Variants in CC2D2B observed in about 807,000 individuals in gnomAD.
CC2D2B encodes the protein protein CC2D2B.
Under a neutral mutation model 161.2 loss-of-function variants are expected in CC2D2B, and 128 were observed. The ratio of observed to expected loss-of-function variants is 0.79; its 90% CI spans 0.69 to 0.92. CC2D2B has a LOEUF of 0.92. CC2D2B is among the 40% of genes least tolerant of loss of function. The pLI is 0.00. For synonymous variants in CC2D2B, 391 were observed against 449.8 expected, an observed-to-expected ratio of 0.87 and a Z score of 1.65; for missense variants, 1,173 against 1,375.1, an observed-to-expected ratio of 0.85 and a Z score of 2.32.
At chr10:95,927,009 G>A (rs2098540617) in intron 5 of CC2D2B, among the ~76,000 whole-genome samples, 2 of 152,082 alleles carry the variant, frequency 1.3e-5, no homozygotes, top group South Asian at 4.1e-4. Context: ...GATTCTGGCT[G>A]TATATTCTGG....
chr10:95,997,123 T>A (rs1282585714), intron 24 of CC2D2B, among the ~76,000 whole-genome samples: 1 of 152,226 alleles, frequency 6.6e-6, no homozygotes, highest in Non-Finnish European at 1.5e-5. Context: ...AATTACCTAG[T>A]CTCAGATACT....
intron 19 of CC2D2B, among the ~76,000 whole-genome samples, chr10:95,986,465 C>A (rs2077731844): frequency 6.6e-6 from 1 of 150,780 alleles, no homozygotes. Flanking sequence ...ATTCAGACAT[C>A]AGAAAAGAAA....
chr10:95,944,032 TTTTTG>T (rs2076111873), intron 9 of CC2D2B, among the ~76,000 whole-genome samples: 1 of 152,002 alleles, frequency 6.6e-6, no homozygotes. Context: ...CAGGGCAGGG[TTTTTG>T]TTTTGTTTTA....
At chr10:95,927,176 T>C in intron 5 of CC2D2B, 61 bp from the exon 6 acceptor site, 1 of 922,438 alleles carries the variant, frequency 1.1e-6, no homozygotes, top group Non-Finnish European at 1.7e-6. Flanking sequence ...CAGAAAACTA[T>C]TTCCTTTACT....
chr10:95,984,655 TAGTTTGAGTCCAGG>T (rs2077650752), intron 19 of CC2D2B: 1 of 152,126 alleles, frequency 6.6e-6, no homozygotes, highest in Non-Finnish European at 1.5e-5. Flanking sequence ...GGCAGAAGGA[TAGTTTGAGTCCAGG>T]AGTTTGAGAC....
At chr10:96,026,664 C>T (rs958952963) in intron 33 of CC2D2B, among the ~76,000 whole-genome samples, 2 of 152,048 alleles carry the variant, frequency 1.3e-5, no homozygotes, top group Non-Finnish European at 2.9e-5. Flanking sequence ...AAGAGATGTG[C>T]CTTGGAGAGT....
chr10:95,938,496 T>C, intron 7 of CC2D2B, 73 bp from the exon 8 acceptor site: 1 of 625,986 alleles, frequency 1.6e-6, no homozygotes, highest in Non-Finnish European at 2.9e-6. Context: ...TAGTTGTTTG[T>C]ACTACTTATT....
In CC2D2B at chr10:96,024,389, G is replaced by A. The variant is rs569904942; in HGVS notation, c.3889-464G>A. On this transcript the variant is annotated intron_variant, in intron 32 of 34. Coordinates refer to ENST00000646931, the MANE Select transcript of CC2D2B (RefSeq NM_001349008.3). ...AGAATAATAATATCTGATGTTTGTTGAGCATTCCATATGTGCCAGGCTTTA... is the reference window on the plus strand; with the variant it reads ...AGAATAATAATATCTGATGTTTGTTAAGCATTCCATATGTGCCAGGCTTTA... Among the ~76,000 whole-genome samples, 5 of 152,310 alleles carry A rather than the reference G, an allele frequency of 3.3e-5. No homozygotes were observed. The East Asian group carries it at 9.6e-4, about 29-fold the overall frequency.
Position 96,031,890 on chromosome 10 carries a change from G to A in CC2D2B, c.4196G>A (p.Gly1399Glu). The A allele has an allele frequency of 6.2e-7, 1 of 1,613,282 alleles. No individual in the cohort carries two copies. Among genetic ancestry groups the A allele is most frequent in the South Asian group, 1.1e-5 (1 of 91,058 alleles). Residue 1399 changes from glycine (G) to glutamate (E), a missense_variant, in exon 35 of 35, where the codon GGA becomes GAA. By Grantham distance (98) the Gly-to-Glu change is moderately conservative. Coordinates refer to ENST00000646931, the MANE Select transcript of CC2D2B (RefSeq NM_001349008.3). Reference sequence around the variant, plus strand: ...ATTATTGATGCTGTTTATCAAACTGGAATTCACTCTGCTGAATTTCCCCAG... The same window carrying A: ...ATTATTGATGCTGTTTATCAAACTGAAATTCACTCTGCTGAATTTCCCCAG... Reference protein sequence around the residue: ...QSIIDAVYQTGIHSAEFPQTE... With the variant: ...QSIIDAVYQTEIHSAEFPQTE...
rs746798457 is a variant in CC2D2B at position 95,999,745 on chromosome 10, C to CTT, written c.2849+3512_2849+3513dup. Reference sequence around the variant, plus strand: ...AGAAACATTTTTACAGTCCAGAGGTCTTTTTTTTTTTTTTTTTTTTAACAC... The same window carrying CTT: ...AGAAACATTTTTACAGTCCAGAGGTCTTTTTTTTTTTTTTTTTTTTTTAACAC... On this transcript the variant is annotated intron_variant, in intron 24 of 34. Transcript: ENST00000646931. 355 of 175,202 alleles carry CTT rather than the reference C, an allele frequency of 2.0e-3. 1 individual carries two copies. The highest frequency in any genetic ancestry group is 7.9e-3 in the African/African-American group (274 of 34,770). The allele number at this position is 175,202 out of a possible 1,614,324, so 10.9% of individuals were successfully genotyped here. A position where few individuals can be genotyped will look rare whatever the true frequency, so the allele number is the denominator to read the frequency against.
intron 26 of CC2D2B, among the ~76,000 whole-genome samples, chr10:96,010,560 G>A (rs2078944021): frequency 5.3e-5 from 8 of 152,286 alleles, no homozygotes; most frequent in African/African-American, 1.7e-4. Context: ...TGATAATGCT[G>A]TAGTGCTTTA....
At position 96,025,155 on chromosome 10, in the gene CC2D2B, ATATATATATAT is replaced by A. The variant is rs1271845776; in HGVS notation, c.3947+245_3947+255del. The stretch of plus-strand genomic sequence containing the variant: ...GAGACGTCATCTCTACTAAAAAAAA[ATATATATATAT>A]ATATATATATATATATATAAAAAAA... On this transcript the variant is annotated intron_variant, in intron 33 of 34. Coordinates refer to ENST00000646931, the MANE Select transcript of CC2D2B (RefSeq NM_001349008.3). 5.3e-3 allele frequency among the ~76,000 whole-genome samples: 219 copies of A among 41,410 alleles called. 12 individuals are homozygous for A. The highest frequency in any genetic ancestry group is 0.014 in the Middle Eastern group (1 of 70). The allele number at this position is 41,410 out of a possible 152,430, so 27.2% of individuals were successfully genotyped here.
intron 9 of CC2D2B, among the ~76,000 whole-genome samples, chr10:95,947,111 ATATTTTTT>A (rs2076238795): frequency 4.9e-5 from 2 of 40,730 alleles, no homozygotes; most frequent in East Asian, 1.5e-3. Flanking sequence ...ATATATATAT[ATATTTTTT>A]TTTTTTTTTT....
At chr10:95,969,364 C>A (rs1424560359) in intron 15 of CC2D2B, among the ~76,000 whole-genome samples, 2 of 151,884 alleles carry the variant, frequency 1.3e-5, no homozygotes, top group Non-Finnish European at 2.9e-5. Context: ...ACACAAAAGA[C>A]CCCCAGTCTC....
chr10:96,022,055 C>T lies in CC2D2B; in HGVS notation c.3888+2231C>T, dbSNP rs144140415. On this transcript the variant is annotated intron_variant, in intron 32 of 34. Coordinates refer to ENST00000646931, the MANE Select transcript of CC2D2B (RefSeq NM_001349008.3). Reference sequence around the variant, plus strand: ...ATTTCTGGCTGGGTGCGGTGGCTCACGCCTGTAATCCCAGCACTTTGGGAG... The same window carrying T: ...ATTTCTGGCTGGGTGCGGTGGCTCATGCCTGTAATCCCAGCACTTTGGGAG... Among the ~76,000 whole-genome samples the T allele has an allele frequency of 3.1e-3, 468 of 152,260 alleles. 2 individuals are homozygous for T. The highest frequency in any genetic ancestry group is 0.017 in the Middle Eastern group (5 of 294).
At chr10:95,922,944 C>T (rs1185614729) in intron 3 of CC2D2B, among the ~76,000 whole-genome samples, 2 of 144,060 alleles carry the variant, frequency 1.4e-5, no homozygotes, top group Non-Finnish European at 3.0e-5. Context: ...GGACTATAGG[C>T]ATGTATGTTA....
At chr10:95,958,493 GTAAA>G (rs1052932338) in intron 11 of CC2D2B, among the ~76,000 whole-genome samples, 8 of 151,360 alleles carry the variant, frequency 5.3e-5, no homozygotes, top group African/African-American at 1.9e-4. Context: ...CTCTGTCTCA[GTAAA>G]TAAATAAATT....
rs1449217454 is a variant in CC2D2B, at chr10:95,950,070, C to A, written c.976C>A (p.Gln326Lys). The A allele has an allele frequency of 5.0e-6, 2 of 398,634 alleles. No homozygotes were observed. Among genetic ancestry groups the A allele is most frequent in the Non-Finnish European group, 8.9e-6 (2 of 225,938 alleles). 24.7% of individuals were successfully genotyped at this position (398,634 alleles called of 1,614,324 possible). A position where few individuals can be genotyped will look rare whatever the true frequency, so the allele number is the denominator to read the frequency against. ...ACTTTATGAATGTTTTCAGGACAGGCAGCAACAGAATGTATCTCAGCTGCT... is the reference window on the plus strand; with the variant it reads ...ACTTTATGAATGTTTTCAGGACAGGAAGCAACAGAATGTATCTCAGCTGCT... ...LQLYECFQDR[Q>K]QQNVSQLLYE... Residue 326 changes from glutamine (Q) to lysine (K), a missense_variant, in exon 10 of 35, where the codon CAG becomes AAG. This residue lies in a region of CC2D2B where 298 missense variants were observed against 261.2 expected (regional missense o/e 1.14). Coordinates refer to ENST00000646931, the MANE Select transcript of CC2D2B (RefSeq NM_001349008.3).
At chr10:95,926,368 G>C (rs1287330942) in intron 5 of CC2D2B, among the ~76,000 whole-genome samples, 1 of 152,008 alleles carries the variant, frequency 6.6e-6, no homozygotes, top group African/African-American at 2.4e-5. Flanking sequence ...GAGGTGATGG[G>C]GGGTAAAAGT....
Sources: allele counts gnomAD v4.1 joint callset (sites outside exome capture counted in the v4.1 genomes callset), GRCh38; gene constraint gnomAD v4.1.1; regional missense constraint gnomAD v4.1.1; transcripts MANE v1.5; gene names NCBI Gene and HGNC (gene_info 2026-07-23, HGNC 2026-07-21).